The following CMIP variants were observed in gnomAD, a reference collection of about 807,000 sequenced individuals.
CMIP encodes the protein C-Maf-inducing protein.
In CMIP, 13 loss-of-function variants were observed where a neutral mutation model predicts 97.3. The observed-to-expected ratio is 0.13, with a 90% CI of 0.09 to 0.21. The LOEUF (loss-of-function observed/expected upper bound fraction) is 0.21. Ranked by LOEUF, CMIP falls within the 10% of genes least tolerant of loss-of-function variation. The pLI, the probability that CMIP is intolerant of heterozygous loss-of-function variation, is 1.00. For missense variants in CMIP, 847 were observed against 1,024.9 expected (o/e 0.83, Z 2.37); for synonymous variants, 538 against 436.3 (o/e 1.23, Z -2.91).
At chr16:81,611,990 C>G (rs184849172) in intron 2 of CMIP, among the ~76,000 whole-genome samples, 53 of 152,342 alleles carry the variant, frequency 3.5e-4, no homozygotes, top group Middle Eastern at 3.4e-3. Flanking sequence ...AGCGTGAGCT[C>G]CCTCACTGCC....
rs1007266338 is a variant in CMIP, at chr16:81,616,778, G to C, written c.427-4098G>C. On this transcript the variant is annotated intron_variant, in intron 2 of 20. Coordinates refer to ENST00000537098, the MANE Select transcript of CMIP (RefSeq NM_198390.3). This position sits in a 1 kb window ranked among gnomAD's most constrained non-coding sequence, Gnocchi z 4.7. ...CTGCCTGGAAGGATGGGGCTGAGAA[G>C]AGACTGATGTGTAGCAGTGTCTGTG... Among the ~76,000 whole-genome samples the C allele has an allele frequency of 1.2e-4, 18 of 152,382 alleles. No homozygotes were observed. Among genetic ancestry groups the C allele is most frequent in the African/African-American group, 4.3e-4 (18 of 41,598 alleles).
chr16:81,689,020 G>A (rs1905750721), intron 10 of CMIP, among the ~76,000 whole-genome samples: 1 of 152,198 alleles, frequency 6.6e-6, no homozygotes, highest in African/African-American at 2.4e-5. Flanking sequence ...GTATTCCATG[G>A]TGTATATGTG....
chr16:81,520,125 T>C (rs1430397447), intron 1 of CMIP: 1 of 152,168 alleles, frequency 6.6e-6, no homozygotes, highest in Non-Finnish European at 1.5e-5. Flanking sequence ...GGGCCTAAGA[T>C]TTGCATTTCA....
rs369769411 is a variant in CMIP, at chr16:81,678,595, C to A, written c.1355C>A (p.Thr452Lys). The change falls in exon 10 of 21, where the codon ACG becomes AAG. Residue 452 changes from threonine (T) to lysine (K), a missense_variant. Physicochemically the swap from Thr to Lys is moderately conservative, Grantham distance 78. Around this residue, in one of 4 missense-constraint regions of CMIP, gnomAD observed 202 missense variants for 168.7 expected, o/e 1.20. Transcript: ENST00000537098. ...SIELGPQADR[T>K]LGCYVEILKL... Reference sequence around the variant, plus strand: ...GAGCTGGGCCCCCAGGCCGACCGCACGCTCGGCTGCTACGTGGAAATCCTC... The same window carrying A: ...GAGCTGGGCCCCCAGGCCGACCGCAAGCTCGGCTGCTACGTGGAAATCCTC... 1.3e-6 allele frequency: 2 copies of A among 1,596,170 alleles called. No homozygotes were observed. The highest frequency in any genetic ancestry group is 2.7e-5 in the African/African-American group (2 of 74,716).
chr16:81,638,988 T>G (rs1396814646), intron 3 of CMIP, among the ~76,000 whole-genome samples: 1 of 152,108 alleles, frequency 6.6e-6, no homozygotes, highest in Non-Finnish European at 1.5e-5. Context: ...CCCGCCGGGA[T>G]TAGGACCGTG....
At chr16:81,561,849 A>AGCCAGCCCAGATACAGAACATTTCC (rs2090890087) in intron 1 of CMIP, among the ~76,000 whole-genome samples, 1 of 152,242 alleles carries the variant, frequency 6.6e-6, no homozygotes, top group Non-Finnish European at 1.5e-5. Context: ...GATGCTCAGT[A>AGCCAGCCCAGATACAGAACATTTCC]GCCAGCCCAG....
At chr16:81,471,926 A>G (rs1219198978) in intron 1 of CMIP, among the ~76,000 whole-genome samples, 1 of 152,146 alleles carries the variant, frequency 6.6e-6, no homozygotes, top group Non-Finnish European at 1.5e-5. Context: ...ATTGTCTGGA[A>G]TTTTCCACCT....
rs140596468 is a variant in CMIP, at chr16:81,673,279, G to A, written c.1034+1209G>A. Among the ~76,000 whole-genome samples, 850 of 152,278 alleles carry A rather than the reference G, an allele frequency of 5.6e-3. 11 individuals carry two copies. The highest frequency in any genetic ancestry group is 0.019 in the African/African-American group (807 of 41,554). ...ACCTGTAATCCCAGCAGTTTGGAAG[G>A]CCAAGGCGGGCAGATCACTTGAGGT... On this transcript the variant is annotated intron_variant, in intron 9 of 20. Transcript: ENST00000537098.
At chr16:81,578,345 C>T (rs528611130) in intron 1 of CMIP, among the ~76,000 whole-genome samples, 3 of 152,342 alleles carry the variant, frequency 2.0e-5, no homozygotes, top group Admixed American at 6.5e-5. Context: ...CCTGCTCTTC[C>T]TGGGGTCTTT....
intron 1 of CMIP, among the ~76,000 whole-genome samples, chr16:81,504,399 T>C (rs1459741606): frequency 6.6e-6 from 1 of 151,590 alleles, no homozygotes; most frequent in African/African-American, 2.4e-5. Flanking sequence ...TCTTAGCACT[T>C]TGGGAGGCCA....
intron 16 of CMIP, 28 bp from the exon 17 acceptor site, chr16:81,702,594 G>T (rs1363206171): frequency 6.2e-7 from 1 of 1,609,572 alleles, no homozygotes; most frequent in Non-Finnish European, 8.5e-7. Context: ...GAAAAGAATG[G>T]TTGTAACCAG....
intron 1 of CMIP, among the ~76,000 whole-genome samples, chr16:81,525,480 CAA>C: frequency 6.6e-6 from 1 of 152,104 alleles, no homozygotes; most frequent in African/African-American, 2.4e-5. Context: ...TTATTATGGT[CAA>C]ATACATATAA....
intron 1 of CMIP, among the ~76,000 whole-genome samples, chr16:81,544,350 A>G (rs1465532607): frequency 2.6e-5 from 4 of 152,182 alleles, no homozygotes; most frequent in African/African-American, 9.7e-5. Flanking sequence ...CTTTGGTGCT[A>G]TGTGTGTGGC....
chr16:81,485,475 C>T (rs533206171), intron 1 of CMIP, among the ~76,000 whole-genome samples: 158 of 152,322 alleles, frequency 1.0e-3, no homozygotes, highest in African/African-American at 3.6e-3. Flanking sequence ...GACTGCTGGA[C>T]GTCCCAGCTT....
chr16:81,704,705 C>A (rs540150692), intron 18 of CMIP, among the ~76,000 whole-genome samples: 3 of 119,642 alleles, frequency 2.5e-5, no homozygotes, highest in African/African-American at 1.0e-4. Flanking sequence ...CCCCGTCACC[C>A]TCCTCCCTGC....
At chr16:81,600,455 C>T (rs768563464) in intron 1 of CMIP, among the ~76,000 whole-genome samples, 1 of 152,058 alleles carries the variant, frequency 6.6e-6, no homozygotes, top group Non-Finnish European at 1.5e-5. Context: ...ACAGATAAAC[C>T]TCAAAAACAG....
chr16:81,670,243 G>A lies in CMIP; in HGVS notation c.927G>A (p.Gln309=). The A allele has an allele frequency of 6.2e-7, 1 of 1,608,938 alleles. No homozygotes were observed. ...TGGAAGTGGTGAAGAAGTTCATTCA[G>A]AGGTGGGTCTCCGGCGCGACGTCCC... ...AGMEVVKKFI[Q]SMHGPTGHCP... The change falls in exon 8 of 21, where the codon CAG becomes CAA. Residue 309 remains glutamine (Q), a splice_region_variant and synonymous_variant. Transcript: ENST00000537098.
At chr16:81,548,901 C>T (rs760399258) in intron 1 of CMIP, among the ~76,000 whole-genome samples, 22 of 152,176 alleles carry the variant, frequency 1.4e-4, no homozygotes, top group African/African-American at 4.6e-4. Flanking sequence ...AAATGCCCCC[C>T]GTTGGGAACC....
At chr16:81,497,777 G>C (rs897351971) in intron 1 of CMIP, among the ~76,000 whole-genome samples, 6 of 152,254 alleles carry the variant, frequency 3.9e-5, no homozygotes, top group Non-Finnish European at 7.3e-5. Flanking sequence ...TGCTCTGGGA[G>C]CCTTGGCCGA....
Sources: allele counts gnomAD v4.1 joint callset (sites outside exome capture counted in the v4.1 genomes callset), GRCh38; gene constraint gnomAD v4.1.1; regional missense constraint gnomAD v4.1.1; non-coding constraint Gnocchi (gnomAD v3.1); transcripts MANE v1.5; gene names NCBI Gene and HGNC (gene_info 2026-07-23, HGNC 2026-07-21).